The following TRPM6 variants were observed in gnomAD, a reference collection of about 807,000 sequenced individuals.
The protein encoded by TRPM6 is channel kinase 2.
A neutral mutation model predicts 247.6 loss-of-function variants in TRPM6; 111 were observed. That is an observed-to-expected ratio of 0.45 (90% CI 0.38 to 0.52). The LOEUF is 0.52. TRPM6 is among the 20% of genes least tolerant of loss of function. The pLI is 0.00. For synonymous variants in TRPM6, 892 were observed against 853.8 expected, an observed-to-expected ratio of 1.04 and a Z score of -0.78; for missense variants, 2,126 against 2,421.5, an observed-to-expected ratio of 0.88 and a Z score of 2.56.
intron 3 of TRPM6, among the ~76,000 whole-genome samples, chr9:74,851,780 C>T (rs1445897707): frequency 6.9e-6 from 1 of 144,644 alleles, no homozygotes; most frequent in African/African-American, 2.5e-5. Flanking sequence ...ATATATAATA[C>T]ATATATATAT....
intron 2 of TRPM6, among the ~76,000 whole-genome samples, chr9:74,858,281 G>A (rs1050519646): frequency 4.6e-5 from 7 of 152,212 alleles, no homozygotes; most frequent in African/African-American, 1.7e-4. Context: ...CAGCTACTCG[G>A]GAGGTTGAGG....
chr9:74,862,205 A>G (rs1830709769), intron 1 of TRPM6, among the ~76,000 whole-genome samples: 2 of 151,922 alleles, frequency 1.3e-5, no homozygotes, highest in South Asian at 2.1e-4. Flanking sequence ...TTCCTTTGCA[A>G]TATACTCTCC....
Position 74,724,398 on chromosome 9 carries a change from A to G in TRPM6, c.*215T>C. On this transcript the variant is annotated 3_prime_UTR_variant, in exon 39 of 39. Transcript: ENST00000360774. ...TCCAAGCATCTTCGTGTGGAACTTGAGGATGGAGCTGCAAAGTGCCCTGGA... is the reference window on the plus strand; with the variant it reads ...TCCAAGCATCTTCGTGTGGAACTTGGGGATGGAGCTGCAAAGTGCCCTGGA... 1 of 610,148 alleles carries G rather than the reference A, an allele frequency of 1.6e-6. No homozygotes were observed. Among genetic ancestry groups the G allele is most frequent in the Non-Finnish European group, 2.9e-6 (1 of 347,328 alleles). 37.8% of individuals were successfully genotyped at this position (610,148 alleles called of 1,614,324 possible).
chr9:74,750,515 A>T, intron 30 of TRPM6, 149 bp downstream of exon 30: 1 of 744,416 alleles, frequency 1.3e-6, no homozygotes, highest in Admixed American at 2.4e-5. Context: ...AGAAGAAATC[A>T]TTTTCATTCT....
intron 25 of TRPM6, among the ~76,000 whole-genome samples, chr9:74,770,445 C>T (rs1426652357): frequency 1.3e-5 from 2 of 152,164 alleles, no homozygotes; most frequent in Non-Finnish European, 2.9e-5. Context: ...TATTTTCACA[C>T]GATGCCATGC....
In TRPM6 at chr9:74,805,594, T is replaced by G. The variant is rs192610087; in HGVS notation, c.1639-1708A>C. Among the ~76,000 whole-genome samples, 14 of 152,352 alleles carry G rather than the reference T, an allele frequency of 9.2e-5. No individual in the cohort carries two copies. In the East Asian group the frequency reaches 2.7e-3, roughly 29 times the overall value. ...ACGTGCTATCTGTGAATGTGAATTT[T>G]TCACATTTTCACCTGGACGAAAATT... On this transcript the variant is annotated intron_variant, in intron 14 of 38. Coordinates refer to ENST00000360774, the MANE Select transcript of TRPM6 (RefSeq NM_017662.5).
chr9:74,865,945 C>T (rs529026008), intron 1 of TRPM6, among the ~76,000 whole-genome samples: 2 of 152,036 alleles, frequency 1.3e-5, no homozygotes, highest in Non-Finnish European at 2.9e-5. Context: ...GGAAAATATA[C>T]TGTTAAATAA....
In TRPM6 at chr9:74,740,065, A is replaced by G. The variant is rs7859071; in HGVS notation, c.5201-56T>C. The G allele has an allele frequency of 8.3e-6, 13 of 1,568,730 alleles. No individual in the cohort carries two copies. The African/African-American group carries it at 1.4e-4, about 16-fold the overall frequency. On this transcript the variant is annotated intron_variant, in intron 33 of 38. Coordinates refer to ENST00000360774, the MANE Select transcript of TRPM6 (RefSeq NM_017662.5). ...ATAAGATTGCCATGTCTGTGACATG[A>G]ATAGTATCCTAAATATCAATGCAGA...
chr9:74,799,879 T>A (rs942875981), intron 17 of TRPM6: 7 of 295,148 alleles, frequency 2.4e-5, no homozygotes, highest in Non-Finnish European at 3.9e-5. Flanking sequence ...TCTGTGAGAA[T>A]CAAATATATT....
chr9:74,771,580 A>G, intron 25 of TRPM6, 123 bp downstream of exon 25: 1 of 886,842 alleles, frequency 1.1e-6, no homozygotes, highest in Non-Finnish European at 1.8e-6. Flanking sequence ...ATGTTGTTAA[A>G]TGTTTCAAAT....
intron 25 of TRPM6, among the ~76,000 whole-genome samples, chr9:74,766,597 C>T (rs541344150): frequency 6.6e-6 from 1 of 152,194 alleles, no homozygotes; most frequent in Admixed American, 6.5e-5. Flanking sequence ...GTAGGAATTA[C>T]TATTATCCTT....
chr9:74,750,513 T>C, intron 30 of TRPM6, 151 bp downstream of exon 30: 2 of 731,962 alleles, frequency 2.7e-6, no homozygotes, highest in Non-Finnish European at 4.6e-6. Context: ...GGAGAAGAAA[T>C]CATTTTCATT....
rs1564002331 is a variant in TRPM6, at chr9:74,762,434, A to C, written c.4237T>G (p.Leu1413Val). 1 of 1,614,196 alleles carries C rather than the reference A, an allele frequency of 6.2e-7. No individual in the cohort carries two copies. The highest frequency in any genetic ancestry group is 1.7e-5 in the Admixed American group (1 of 60,014). ...TCTGCCTTGTCTTGTCCATCCAGTA[A>C]GTGAGCAATAGGCTCGTGCTTTTCC... ...PKEKHEPIAH[L>V]LDGQDKAEQV... The change falls in exon 26 of 39, where the codon TTA becomes GTA. Residue 1413 changes from leucine (L) to valine (V), a missense_variant. Physicochemically the swap from Leu to Val is conservative, Grantham distance 32 (BLOSUM62 1). Transcript: ENST00000360774.
At chr9:74,858,514 A>G (rs541407659) in intron 2 of TRPM6, among the ~76,000 whole-genome samples, 155 bp downstream of exon 2, 50 of 152,388 alleles carry the variant, frequency 3.3e-4, no homozygotes, top group Admixed American at 2.8e-3. Context: ...TACAATAATC[A>G]TGTATTATTT....
chr9:74,857,642 T>C (rs1488429956), intron 2 of TRPM6: 1 of 152,190 alleles, frequency 6.6e-6, no homozygotes, highest in African/African-American at 2.4e-5. Context: ...TCCATTCTGC[T>C]ACCGATTATC....
At chr9:74,725,739 C>A (rs1825296791) in intron 38 of TRPM6, among the ~76,000 whole-genome samples, 2 of 152,192 alleles carry the variant, frequency 1.3e-5, no homozygotes, top group African/African-American at 2.4e-5. Context: ...GCCTCCCCAG[C>A]CATGTGGAAC....
intron 38 of TRPM6, among the ~76,000 whole-genome samples, chr9:74,724,964 T>C (rs773295736): frequency 2.0e-5 from 3 of 152,160 alleles, no homozygotes; most frequent in African/African-American, 4.8e-5. Context: ...GTGCTGTTTA[T>C]GGGAGCAGGG....
At position 74,803,793 on chromosome 9, in the gene TRPM6, C is replaced by G; in HGVS notation, c.1731+1G>C. The stretch of plus-strand genomic sequence containing the variant: ...CAAGTTGAAAAACAAGTAAATGGTA[C>G]CTTGAATTTGTATGGCTGTGCAGTT... On this transcript the variant is annotated splice_donor_variant, in intron 15 of 38. Transcript: ENST00000360774. LOFTEE classifies it high-confidence loss of function. The G allele has an allele frequency of 1.2e-6, 2 of 1,602,070 alleles. No individual in the cohort carries two copies. The highest frequency in any genetic ancestry group is 1.7e-6 in the Non-Finnish European group (2 of 1,169,050).
intron 17 of TRPM6, among the ~76,000 whole-genome samples, chr9:74,797,955 C>T (rs1828159298): frequency 6.6e-6 from 1 of 152,192 alleles, no homozygotes; most frequent in Admixed American, 6.5e-5. Context: ...TATCTTTTCT[C>T]TACTAGTAAA....
Sources: gnomAD v4.1 joint callset for allele counts (sites outside exome capture counted in the v4.1 genomes callset) on GRCh38, gnomAD v4.1.1 for gene constraint, MANE v1.5 for transcripts, NCBI Gene and HGNC (gene_info 2026-07-23, HGNC 2026-07-21) for gene names.